The following SVEP1 variants were observed in gnomAD, a reference collection of about 807,000 sequenced individuals.
The protein encoded by SVEP1 is sushi, von Willebrand factor type A, EGF and pentraxin domain-containing protein 1.
A neutral mutation model predicts 367.3 loss-of-function variants in SVEP1; 164 were observed. The ratio of observed to expected loss-of-function variants is 0.45; its 90% CI spans 0.39 to 0.51. The LOEUF (loss-of-function observed/expected upper bound fraction) is 0.51, where lower values mean the gene tolerates loss of function less well. Among genes scored for constraint, SVEP1 ranks in the 20% least tolerant of loss-of-function variants. The probability of loss-of-function intolerance (pLI) is 0.00; values close to 1 mark genes in which losing one functional copy is unlikely to be tolerated. For synonymous variants in SVEP1, 1,666 were observed against 1,611.6 expected, an observed-to-expected ratio of 1.03 and a Z score of -0.81; for missense variants, 4,117 against 4,425.3, an observed-to-expected ratio of 0.93 and a Z score of 1.98.
chr9:110,377,183 A>T, intron 45 of SVEP1, 88 bp downstream of exon 45: 2 of 1,206,042 alleles, frequency 1.7e-6, no homozygotes, highest in South Asian at 1.3e-5. Flanking sequence ...TCTTCCCAAC[A>T]GTACAACCAT....
At chr9:110,516,303 T>C (rs1829803326) in intron 3 of SVEP1, among the ~76,000 whole-genome samples, 1 of 151,626 alleles carries the variant, frequency 6.6e-6, no homozygotes, top group African/African-American at 2.4e-5. Context: ...ATGTCATTAT[T>C]TGAAAAGCCA....
At position 110,432,449 on chromosome 9, in the gene SVEP1, A is replaced by G. The variant is rs202095962; in HGVS notation, c.5233+13T>C. ...GAATAATCTCATATAGTAGTTGCCA[A>G]CATTTATCTCACCAAGGCAGGATGG... On this transcript the variant is annotated intron_variant, in intron 31 of 47. Transcript: ENST00000374469. The G allele has an allele frequency of 6.2e-7, 1 of 1,606,270 alleles. No individual in the cohort carries two copies. The highest frequency in any genetic ancestry group is 1.7e-5 in the Admixed American group (1 of 58,502).
At chr9:110,379,567 A>G in intron 43 of SVEP1, 50 bp from the exon 44 acceptor site, 2 of 1,561,136 alleles carry the variant, frequency 1.3e-6, no homozygotes, top group Non-Finnish European at 1.8e-6. Flanking sequence ...ACACAGACTG[A>G]GAACACAGTC....
intron 40 of SVEP1, among the ~76,000 whole-genome samples, chr9:110,392,777 C>A (rs72764506): frequency 1.4e-4 from 22 of 152,116 alleles, no homozygotes; most frequent in Non-Finnish European, 2.5e-4. Flanking sequence ...TCATTTATGA[C>A]CTATTTGATG....
At chr9:110,534,067 T>C (rs1215597394) in intron 3 of SVEP1, among the ~76,000 whole-genome samples, 2 of 152,140 alleles carry the variant, frequency 1.3e-5, no homozygotes, top group Non-Finnish European at 2.9e-5. Flanking sequence ...ATGTGCAGGT[T>C]TGTTATATAG....
intron 3 of SVEP1, among the ~76,000 whole-genome samples, chr9:110,540,812 T>C (rs1423497279): frequency 6.6e-6 from 1 of 152,182 alleles, no homozygotes; most frequent in African/African-American, 2.4e-5. Flanking sequence ...TCTACAATTA[T>C]TACAATATTT....
intron 41 of SVEP1, 65 bp from the exon 42 acceptor site, chr9:110,387,523 T>G (rs1171309524): frequency 1.4e-6 from 2 of 1,447,310 alleles, no homozygotes; most frequent in Non-Finnish European, 1.8e-6. Context: ...TCTTTTCCTA[T>G]GATTGCCAAA....
At chr9:110,556,383 A>T (rs1439978310) in intron 1 of SVEP1, among the ~76,000 whole-genome samples, 3 of 152,180 alleles carry the variant, frequency 2.0e-5, no homozygotes, top group Non-Finnish European at 2.9e-5. Context: ...TAATTAAACT[A>T]CGTGCCGATA....
At chr9:110,439,351 C>G (rs1828478075) in intron 27 of SVEP1, among the ~76,000 whole-genome samples, 2 of 152,138 alleles carry the variant, frequency 1.3e-5, no homozygotes, top group Non-Finnish European at 2.9e-5. Context: ...TGATCTCAGA[C>G]TTCTAGCCTG....
At chr9:110,401,210 A>G (rs35064081) in intron 39 of SVEP1, among the ~76,000 whole-genome samples, 18,220 of 152,184 alleles carry the variant, frequency 0.12, 1,178 homozygotes, top group African/African-American at 0.13. Context: ...ATAGTCACCC[A>G]CAGACAATTT....
chr9:110,544,540 T>G (rs957526027), intron 3 of SVEP1, among the ~76,000 whole-genome samples: 8 of 152,216 alleles, frequency 5.3e-5, no homozygotes, highest in African/African-American at 1.9e-4. Flanking sequence ...CTTGCCTCTC[T>G]AATAAGATAT....
At chr9:110,431,589 T>C (rs907574073) in intron 32 of SVEP1, among the ~76,000 whole-genome samples, 3 of 152,218 alleles carry the variant, frequency 2.0e-5, no homozygotes, top group African/African-American at 4.8e-5. Flanking sequence ...TCTTCCTTGC[T>C]CTGATTGAGG....
At chr9:110,476,447 C>T in intron 13 of SVEP1, 132 bp from the exon 14 acceptor site, 1 of 666,264 alleles carries the variant, frequency 1.5e-6, no homozygotes, top group Non-Finnish European at 2.6e-6. Context: ...CTGCACATTC[C>T]TCAAAGGGAT....
chr9:110,430,216 C>A, intron 33 of SVEP1, 58 bp downstream of exon 33: 1 of 1,523,122 alleles, frequency 6.6e-7, no homozygotes, highest in Non-Finnish European at 8.9e-7. Flanking sequence ...CATATGTCTA[C>A]GCCTTACCTT....
At chr9:110,532,643 G>C (rs1830034883) in intron 3 of SVEP1, among the ~76,000 whole-genome samples, 1 of 152,136 alleles carries the variant, frequency 6.6e-6, no homozygotes, top group Admixed American at 6.5e-5. Context: ...AATTACAGTA[G>C]TGTTTTTTGA....
At chr9:110,405,863 C>A (rs1827946488) in intron 38 of SVEP1, among the ~76,000 whole-genome samples, 1 of 152,148 alleles carries the variant, frequency 6.6e-6, no homozygotes, top group Admixed American at 6.5e-5. Flanking sequence ...CTTCACGATT[C>A]CGGAGCTTTT....
intron 1 of SVEP1, among the ~76,000 whole-genome samples, chr9:110,573,740 T>G (rs1169650702): frequency 6.6e-6 from 1 of 152,126 alleles, no homozygotes; most frequent in African/African-American, 2.4e-5. Flanking sequence ...GAAAGGTAAC[T>G]TACAAACACA....
At chr9:110,426,560 G>A (rs1828256137) in intron 36 of SVEP1, among the ~76,000 whole-genome samples, 1 of 152,186 alleles carries the variant, frequency 6.6e-6, no homozygotes, top group Non-Finnish European at 1.5e-5. Flanking sequence ...CTTTTCTGCT[G>A]TGTCAGCTTG....
chr9:110,416,908 A>C (rs904058644), intron 36 of SVEP1, among the ~76,000 whole-genome samples: 1 of 152,056 alleles, frequency 6.6e-6, no homozygotes, highest in South Asian at 2.1e-4. Flanking sequence ...GATTCTAACT[A>C]TTAGATGCTA....
Sources: allele counts gnomAD v4.1 joint callset (sites outside exome capture counted in the v4.1 genomes callset), GRCh38; gene constraint gnomAD v4.1.1; transcripts MANE v1.5; gene names NCBI Gene and HGNC (gene_info 2026-07-23, HGNC 2026-07-21).